The following NRXN1 variants were observed in gnomAD, a reference collection of about 807,000 sequenced individuals.
NRXN1 encodes the protein neurexin-1.
In NRXN1, 39 loss-of-function variants were observed where a neutral mutation model predicts 150.9. The ratio of observed to expected loss-of-function variants is 0.26; its 90% CI spans 0.20 to 0.34. The LOEUF is 0.34. NRXN1 is among the 10% of genes least tolerant of loss of function. The pLI, the probability that NRXN1 is intolerant of heterozygous loss-of-function variation, is 1.00. For missense variants in NRXN1, 1,815 were observed against 1,949.9 expected, an observed-to-expected ratio of 0.93 and a Z score of 1.30; for synonymous variants, 924 against 757.0, an observed-to-expected ratio of 1.22 and a Z score of -3.62.
chr2:50,462,257 C>A (rs376340886), intron 17 of NRXN1, among the ~76,000 whole-genome samples: 14 of 151,540 alleles, frequency 9.2e-5, no homozygotes, highest in African/African-American at 3.4e-4. Flanking sequence ...GGAGGTAAGA[C>A]TAAACATAGG....
chr2:49,945,968 C>G (rs1287570222), intron 21 of NRXN1, among the ~76,000 whole-genome samples: 1 of 152,168 alleles, frequency 6.6e-6, no homozygotes, highest in East Asian at 1.9e-4. Flanking sequence ...ACCACACTGT[C>G]TTCCACAATG....
intron 17 of NRXN1, among the ~76,000 whole-genome samples, chr2:50,300,056 C>T (rs181168626): frequency 2.6e-5 from 4 of 151,866 alleles, no homozygotes; most frequent in African/African-American, 7.3e-5. Context: ...GGGAAGAAGG[C>T]AAGAAACAGT....
At chr2:50,252,539 G>A (rs2067227466) in intron 17 of NRXN1, among the ~76,000 whole-genome samples, 1 of 152,000 alleles carries the variant, frequency 6.6e-6, no homozygotes, top group Admixed American at 6.6e-5. Context: ...GATTACAGGT[G>A]TGAGCCACTG....
chr2:50,575,427 G>A (rs867264391), intron 8 of NRXN1, among the ~76,000 whole-genome samples: 3 of 152,098 alleles, frequency 2.0e-5, no homozygotes, highest in African/African-American at 7.2e-5. Context: ...AGCCAGGTAG[G>A]GATGCTCCCT....
intron 17 of NRXN1, among the ~76,000 whole-genome samples, chr2:50,254,674 G>A (rs2067520584): frequency 6.6e-6 from 1 of 151,680 alleles, no homozygotes; most frequent in Non-Finnish European, 1.5e-5. Context: ...AACAGTAACA[G>A]CAAAAGAAAT....
intron 5 of NRXN1, among the ~76,000 whole-genome samples, chr2:50,885,578 T>C (rs1680112092): frequency 6.6e-6 from 1 of 151,436 alleles, no homozygotes; most frequent in African/African-American, 2.4e-5. Flanking sequence ...CACAAAACTC[T>C]GACACAACTG....
intron 18 of NRXN1, among the ~76,000 whole-genome samples, chr2:50,108,279 T>C (rs1303545337): frequency 6.6e-6 from 1 of 152,072 alleles, no homozygotes; most frequent in African/African-American, 2.4e-5. Context: ...ATGTATATTT[T>C]AATCATAACT....
At chr2:50,036,646 T>C (rs970687417) in intron 21 of NRXN1, among the ~76,000 whole-genome samples, 6 of 152,184 alleles carry the variant, frequency 3.9e-5, no homozygotes, top group Non-Finnish European at 8.8e-5. Flanking sequence ...ATTACAAACA[T>C]GGCCAAAATT....
intron 5 of NRXN1, among the ~76,000 whole-genome samples, chr2:50,791,278 G>A (rs1253862621): frequency 8.6e-6 from 1 of 116,744 alleles, no homozygotes; most frequent in African/African-American, 3.4e-5. Context: ...GATAGAAATA[G>A]TCAAAATGCT....
intron 8 of NRXN1, among the ~76,000 whole-genome samples, chr2:50,557,296 A>G (rs1573537199): frequency 6.6e-6 from 1 of 152,184 alleles, no homozygotes; most frequent in Non-Finnish European, 1.5e-5. Flanking sequence ...CTTCACTAAC[A>G]TGCATGATTA....
intron 18 of NRXN1, among the ~76,000 whole-genome samples, chr2:50,187,110 GACAA>G (rs1376353035): frequency 1.3e-5 from 2 of 151,922 alleles, no homozygotes; most frequent in Middle Eastern, 3.2e-3. Flanking sequence ...TTTAAAATCA[GACAA>G]ACAAACCAAT....
At chr2:50,606,760 T>C (rs1411475729) in intron 8 of NRXN1, among the ~76,000 whole-genome samples, 1 of 152,006 alleles carries the variant, frequency 6.6e-6, no homozygotes, top group Non-Finnish European at 1.5e-5. Context: ...TAAAGAATAA[T>C]AAAGTTTTAG....
At chr2:50,762,418 GTA>G (rs1701903044) in intron 5 of NRXN1, among the ~76,000 whole-genome samples, 1 of 151,742 alleles carries the variant, frequency 6.6e-6, no homozygotes. Flanking sequence ...GAGGTTTAGG[GTA>G]TGATTGATCC....
chr2:50,402,093 G>C (rs1389818346), intron 17 of NRXN1, among the ~76,000 whole-genome samples: 2 of 152,068 alleles, frequency 1.3e-5, no homozygotes, highest in Non-Finnish European at 2.9e-5. Context: ...GAGGAACTCA[G>C]ACTAGTATAG....
Position 49,955,611 on chromosome 2 carries a change from G to GT in NRXN1, c.4129-11821dup, listed in dbSNP as rs34383466. On this transcript the variant is annotated intron_variant, in intron 21 of 22. Coordinates refer to ENST00000401669, the MANE Select transcript of NRXN1 (RefSeq NM_001330078.2). Reference sequence around the variant, plus strand: ...AAAACATAGTTAACTATCATTTTGGGTTTTTTTTTTACCTACATAATATTC... The same window carrying GT: ...AAAACATAGTTAACTATCATTTTGGGTTTTTTTTTTTACCTACATAATATTC... 6.0e-4 allele frequency among the ~76,000 whole-genome samples: 89 copies of GT among 149,448 alleles called. No homozygotes were observed. In the Middle Eastern group the frequency reaches 0.028, roughly 47 times the overall value.
At chr2:50,408,935 G>T (rs2082955032) in intron 17 of NRXN1, among the ~76,000 whole-genome samples, 1 of 151,204 alleles carries the variant, frequency 6.6e-6, no homozygotes, top group African/African-American at 2.4e-5. Flanking sequence ...AGTATGAGGG[G>T]ACTAAATTAA....
intron 12 of NRXN1, among the ~76,000 whole-genome samples, chr2:50,519,478 A>C (rs1436004588): frequency 6.6e-6 from 1 of 151,972 alleles, no homozygotes; most frequent in Non-Finnish European, 1.5e-5. Context: ...TAAAATGGCA[A>C]TTGTCCAACT....
chr2:50,194,097 G>A (rs963921103), intron 18 of NRXN1, among the ~76,000 whole-genome samples: 1 of 152,094 alleles, frequency 6.6e-6, no homozygotes, highest in Non-Finnish European at 1.5e-5. Context: ...ATCAGATAGG[G>A]GAACTACAAC....
At chr2:50,929,306 G>C (rs1158731710) in intron 2 of NRXN1, among the ~76,000 whole-genome samples, 1 of 151,846 alleles carries the variant, frequency 6.6e-6, no homozygotes. Flanking sequence ...ATTAAAATTT[G>C]GAATAAAATA....
Sources: allele counts gnomAD v4.1 joint callset (sites outside exome capture counted in the v4.1 genomes callset), GRCh38; gene constraint gnomAD v4.1.1; transcripts MANE v1.5; gene names NCBI Gene and HGNC (gene_info 2026-07-23, HGNC 2026-07-21).